ATP11B: variants seen among roughly 807,000 people sequenced by gnomAD.
ATP11B encodes the protein phospholipid-transporting ATPase IF.
Under a neutral mutation model 157.8 loss-of-function variants are expected in ATP11B, and 81 were observed. The observed-to-expected ratio is 0.51, with a 90% CI of 0.43 to 0.62. The LOEUF is 0.62. ATP11B is among the 20% of genes least tolerant of loss of function. The probability of loss-of-function intolerance (pLI) is 0.00; values close to 1 mark genes in which losing one functional copy is unlikely to be tolerated. For missense variants in ATP11B, 1,165 were observed against 1,402.2 expected, an observed-to-expected ratio of 0.83 and a Z score of 2.70; for synonymous variants, 451 against 469.4, an observed-to-expected ratio of 0.96 and a Z score of 0.51.
intron 21 of ATP11B, among the ~76,000 whole-genome samples, chr3:182,881,412 C>G (rs887698883): frequency 6.6e-6 from 1 of 151,754 alleles, no homozygotes; most frequent in Admixed American, 6.6e-5. Context: ...TGCTTGAACC[C>G]AGGAGGCAGA....
At chr3:182,869,047 G>C in intron 15 of ATP11B, 31 bp from the exon 16 acceptor site, 2 of 1,478,244 alleles carry the variant, frequency 1.4e-6, no homozygotes, top group Non-Finnish European at 1.8e-6. Flanking sequence ...AAAAAGTAAA[G>C]TTTTTGTCTT....
At chr3:182,913,786 T>G in intron 28 of ATP11B, 75 bp from the exon 29 acceptor site, 1 of 1,606,354 alleles carries the variant, frequency 6.2e-7, no homozygotes, top group Non-Finnish European at 8.5e-7. Flanking sequence ...TTGAAAGTGC[T>G]TGTTGTAATG....
intron 12 of ATP11B, among the ~76,000 whole-genome samples, chr3:182,860,995 A>G (rs1720788764): frequency 6.6e-6 from 1 of 152,166 alleles, no homozygotes; most frequent in African/African-American, 2.4e-5. Context: ...GCATAATGCA[A>G]AATTGCCTAG....
In ATP11B at chr3:182,898,658, A is replaced by T. The variant is rs1723735066; in HGVS notation, c.3204A>T (p.Ser1068=). ...NMYFVFIQLL[S]SGSAWFAIIL... ...ATTTTGTGTTTATTCAGCTCCTGTCAAGTGGTTCTGCTTGGTTTGCCATAA... is the reference window on the plus strand; with the variant it reads ...ATTTTGTGTTTATTCAGCTCCTGTCTAGTGGTTCTGCTTGGTTTGCCATAA... The change falls in exon 28 of 30, where the codon TCA becomes TCT. Residue 1068 remains serine (S), a synonymous_variant. Coordinates refer to ENST00000323116, the MANE Select transcript of ATP11B (RefSeq NM_014616.3). 3.7e-6 allele frequency: 6 copies of T among 1,609,482 alleles called. No homozygotes were observed. Among genetic ancestry groups the T allele is most frequent in the Middle Eastern group, 1.7e-4 (1 of 6,052 alleles).
At chr3:182,900,449 C>T (rs1033195282) in intron 28 of ATP11B, among the ~76,000 whole-genome samples, 1 of 152,098 alleles carries the variant, frequency 6.6e-6, no homozygotes, top group African/African-American at 2.4e-5. Context: ...TTATACTGAT[C>T]TCCAAATGGG....
intron 29 of ATP11B, chr3:182,914,246 A>C: frequency 8.0e-7 from 1 of 1,257,790 alleles, no homozygotes; most frequent in Non-Finnish European, 1.0e-6. Flanking sequence ...TTTGTTTCAT[A>C]ATCTTTCTAA....
chr3:182,835,626 G>A (rs1028240340), intron 4 of ATP11B, among the ~76,000 whole-genome samples: 1 of 152,090 alleles, frequency 6.6e-6, no homozygotes, highest in African/African-American at 2.4e-5. Flanking sequence ...AAAGCAATTA[G>A]GTATTCAAGT....
chr3:182,865,668 C>G lies in ATP11B; in HGVS notation c.1413C>G (p.Phe471Leu), dbSNP rs1721179917. The G allele has an allele frequency of 6.2e-7, 1 of 1,612,992 alleles. No homozygotes were observed. Among genetic ancestry groups the G allele is most frequent in the South Asian group, 1.1e-5 (1 of 90,894 alleles). ...NLSHLTTSSS[F>L]RTSPENETEL... ...CCCATCTTACAACCAGTTCCTCTTT[C>G]AGAACCAGTCCTGAAAATGAAACTG... The change falls in exon 13 of 30, where the codon TTC becomes TTG. Residue 471 changes from phenylalanine to leucine, a missense_variant. Around this residue, in one of 4 missense-constraint regions of ATP11B, gnomAD observed 737 missense variants for 930.5 expected, o/e 0.79. Transcript: ENST00000323116.
chr3:182,809,168 T>C lies in ATP11B; in HGVS notation c.28-11092T>C, dbSNP rs181116184. ...AATGCCTTTGGTTATTAGAAGTTAG[T>C]GTGATAACCATTAACAATTAAAGAC... On this transcript the variant is annotated intron_variant, in intron 1 of 29. Coordinates refer to ENST00000323116, the MANE Select transcript of ATP11B (RefSeq NM_014616.3). Among the ~76,000 whole-genome samples, 13 of 152,202 alleles carry C rather than the reference T, an allele frequency of 8.5e-5. No individual in the cohort carries two copies. The East Asian group carries it at 2.5e-3, about 29-fold the overall frequency.
intron 25 of ATP11B, among the ~76,000 whole-genome samples, chr3:182,891,964 G>A (rs550076487): frequency 3.4e-4 from 52 of 152,300 alleles, no homozygotes; most frequent in African/African-American, 1.3e-3. Flanking sequence ...ATTAAGCATA[G>A]TGGCTAGCAT....
chr3:182,841,996 A>AAC, intron 7 of ATP11B, 79 bp from the exon 8 acceptor site: 1 of 929,106 alleles, frequency 1.1e-6, no homozygotes, highest in Non-Finnish European at 1.7e-6. Context: ...AAAAAAAAAA[A>AAC]ACAAAGGATG....
intron 10 of ATP11B, among the ~76,000 whole-genome samples, chr3:182,849,955 A>T (rs1243518596): frequency 1.3e-5 from 2 of 152,228 alleles, no homozygotes; most frequent in African/African-American, 2.4e-5. Flanking sequence ...ACCAAAGCAC[A>T]TCATGGTCAA....
intron 9 of ATP11B, among the ~76,000 whole-genome samples, chr3:182,846,118 T>C (rs1471643119): frequency 6.6e-6 from 1 of 152,186 alleles, no homozygotes; most frequent in African/African-American, 2.4e-5. Context: ...GATGATAACC[T>C]TTAGCTGTTA....
intron 15 of ATP11B, 100 bp downstream of exon 15, chr3:182,867,544 A>G (rs953265668): frequency 2.5e-6 from 1 of 404,328 alleles, no homozygotes; most frequent in Non-Finnish European, 4.2e-6. Flanking sequence ...TGTGGCCTAT[A>G]TTTTCTGTTT....
intron 4 of ATP11B, among the ~76,000 whole-genome samples, chr3:182,835,400 C>T (rs561557053): frequency 8.9e-4 from 136 of 152,132 alleles, no homozygotes; most frequent in African/African-American, 3.2e-3. Context: ...ATCATTTGTA[C>T]ATAGAAACAA....
chr3:182,819,023 A>G (rs1576966366), intron 1 of ATP11B, among the ~76,000 whole-genome samples: 1 of 151,124 alleles, frequency 6.6e-6, no homozygotes, highest in East Asian at 1.9e-4. Flanking sequence ...CTTTCAGCCC[A>G]TCAGTGGGTT....
chr3:182,830,164 T>C (rs1405759594), intron 4 of ATP11B, among the ~76,000 whole-genome samples: 1 of 151,958 alleles, frequency 6.6e-6, no homozygotes, highest in African/African-American at 2.4e-5. Flanking sequence ...GTAAAAACTA[T>C]GTAGTTCAAA....
In ATP11B at chr3:182,908,086, C is replaced by T. The variant is rs970058012; in HGVS notation, c.3319-5775C>T. 2.6e-5 allele frequency among the ~76,000 whole-genome samples: 4 copies of T among 151,574 alleles called. 1 individual carries two copies. The highest frequency in any genetic ancestry group is 1.3e-4 in the Admixed American group (2 of 15,208). On this transcript the variant is annotated intron_variant, in intron 28 of 29. Coordinates refer to ENST00000323116, the MANE Select transcript of ATP11B (RefSeq NM_014616.3). The stretch of plus-strand genomic sequence containing the variant: ...TAGTCATATGTTGTTATTTATGTAA[C>T]CAGTAGAATACATTAAAACAAAAGG...
At chr3:182,821,988 A>T in intron 2 of ATP11B, among the ~76,000 whole-genome samples, 1 of 152,082 alleles carries the variant, frequency 6.6e-6, no homozygotes, top group Non-Finnish European at 1.5e-5. Flanking sequence ...CACATTCTTT[A>T]TGTGTATAAC....
Sources: allele counts gnomAD v4.1 joint callset (sites outside exome capture counted in the v4.1 genomes callset), GRCh38; gene constraint gnomAD v4.1.1; regional missense constraint gnomAD v4.1.1; transcripts MANE v1.5; gene names NCBI Gene and HGNC (gene_info 2026-07-23, HGNC 2026-07-21).